KDM4C: variants seen among roughly 807,000 people sequenced by gnomAD.
KDM4C encodes lysine demethylase 4C, also known as lysine-specific demethylase 4C.
In KDM4C, 81 loss-of-function variants were observed where a neutral mutation model predicts 129.3. The ratio of observed to expected loss-of-function variants is 0.63; its 90% CI spans 0.52 to 0.75. KDM4C has a LOEUF of 0.75. KDM4C is among the 30% of genes least tolerant of loss of function. KDM4C has a pLI of 0.00. For missense variants in KDM4C, 1,457 were observed against 1,304.0 expected (o/e 1.12, Z -1.81); for synonymous variants, 573 against 456.1 (o/e 1.26, Z -3.26).
chr9:6,998,236 T>C (rs899587883), intron 12 of KDM4C, among the ~76,000 whole-genome samples: 23 of 152,204 alleles, frequency 1.5e-4, no homozygotes, highest in Non-Finnish European at 2.6e-4. Flanking sequence ...CAGTAATTTA[T>C]TTCTTGGGAC....
At chr9:6,998,919 C>G (rs1395268140) in intron 12 of KDM4C, among the ~76,000 whole-genome samples, 1 of 152,168 alleles carries the variant, frequency 6.6e-6, no homozygotes. Flanking sequence ...ACTGATTGCA[C>G]TTCATTCTAG....
At chr9:6,784,543 TTA>T (rs1360389971) in intron 1 of KDM4C, among the ~76,000 whole-genome samples, 1 of 152,126 alleles carries the variant, frequency 6.6e-6, no homozygotes, top group Non-Finnish European at 1.5e-5. Context: ...ACTGTATTCT[TTA>T]TAGCAAAAGA....
chr9:6,978,001 T>G (rs1182522672), intron 8 of KDM4C, among the ~76,000 whole-genome samples: 1 of 152,182 alleles, frequency 6.6e-6, no homozygotes, highest in Non-Finnish European at 1.5e-5. Context: ...GTGGTCAGGT[T>G]ACCAAAAAGC....
intron 7 of KDM4C, among the ~76,000 whole-genome samples, chr9:6,890,880 C>G (rs1048647185): frequency 2.6e-5 from 4 of 152,200 alleles, no homozygotes; most frequent in African/African-American, 9.7e-5. Context: ...TCTCACGTGG[C>G]TCAGATAATG....
intron 1 of KDM4C, 104 bp from the exon 2 acceptor site, chr9:6,792,868 T>A: frequency 8.6e-7 from 1 of 1,161,390 alleles, no homozygotes; most frequent in Non-Finnish European, 1.3e-6. Context: ...GGGAAGTGAC[T>A]GAAAGAGAAG....
At chr9:7,100,594 C>T (rs1171719458) in intron 17 of KDM4C, among the ~76,000 whole-genome samples, 1 of 152,162 alleles carries the variant, frequency 6.6e-6, no homozygotes, top group Non-Finnish European at 1.5e-5. Context: ...CCTGCCTCAG[C>T]CTCCCAAAGT....
intron 8 of KDM4C, among the ~76,000 whole-genome samples, chr9:6,909,967 G>C (rs1299494360): frequency 1.3e-5 from 2 of 152,178 alleles, no homozygotes; most frequent in Non-Finnish European, 2.9e-5. Context: ...ATGATAGGTA[G>C]TGGGTTAATA....
At chr9:6,846,980 G>A (rs1837955511) in intron 4 of KDM4C, among the ~76,000 whole-genome samples, 1 of 152,154 alleles carries the variant, frequency 6.6e-6, no homozygotes, top group Non-Finnish European at 1.5e-5. Flanking sequence ...CTGCAGAGCT[G>A]GGGTTATAAT....
chr9:6,944,233 A>G (rs1826464207), intron 8 of KDM4C, among the ~76,000 whole-genome samples: 2 of 152,200 alleles, frequency 1.3e-5, no homozygotes, highest in East Asian at 1.9e-4. Flanking sequence ...ATTTGAACTT[A>G]TGCCAGATTC....
chr9:6,741,982 T>TC (rs1817714979), intron 1 of KDM4C, among the ~76,000 whole-genome samples: 1 of 151,784 alleles, frequency 6.6e-6, no homozygotes, highest in African/African-American at 2.4e-5. Flanking sequence ...ATTTATTAAT[T>TC]TTTTTTTGGA....
At chr9:7,062,981 C>T (rs1831919509) in intron 17 of KDM4C, among the ~76,000 whole-genome samples, 1 of 152,070 alleles carries the variant, frequency 6.6e-6, no homozygotes, top group Non-Finnish European at 1.5e-5. Context: ...ACCTAAGAAG[C>T]ACAAACTTTA....
intron 7 of KDM4C, among the ~76,000 whole-genome samples, chr9:6,891,131 G>T (rs1385816044): frequency 1.3e-5 from 2 of 152,190 alleles, no homozygotes; most frequent in African/African-American, 4.8e-5. Flanking sequence ...ACTGAGGTGG[G>T]AGTAGGGGAT....
chr9:6,773,173 AATTTT>A (rs1399879497), intron 1 of KDM4C, among the ~76,000 whole-genome samples: 1 of 150,990 alleles, frequency 6.6e-6, no homozygotes, highest in African/African-American at 2.4e-5. Context: ...CTAATTTTTT[AATTTT>A]ATTTGGAGAG....
chr9:7,090,281 A>G (rs1835647685), intron 17 of KDM4C, among the ~76,000 whole-genome samples: 1 of 152,228 alleles, frequency 6.6e-6, no homozygotes, highest in Non-Finnish European at 1.5e-5. Context: ...TTTTGACAGT[A>G]GCTTGTAGTA....
chr9:6,841,178 C>A (rs906707279), intron 4 of KDM4C, among the ~76,000 whole-genome samples: 1 of 151,906 alleles, frequency 6.6e-6, no homozygotes, highest in African/African-American at 2.4e-5. Context: ...AGTGGTAGTT[C>A]CCCCTGTGAA....
At chr9:6,963,798 A>AT (rs1563895734) in intron 8 of KDM4C, among the ~76,000 whole-genome samples, 1 of 152,134 alleles carries the variant, frequency 6.6e-6, no homozygotes, top group Non-Finnish European at 1.5e-5. Flanking sequence ...CCTAACAGCT[A>AT]CCTATATGTT....
intron 1 of KDM4C, among the ~76,000 whole-genome samples, chr9:6,773,979 C>T (rs1822460374): frequency 1.3e-5 from 2 of 151,706 alleles, no homozygotes; most frequent in Non-Finnish European, 2.9e-5. Flanking sequence ...ACTCCGCCTC[C>T]CGAGTTCAAG....
intron 8 of KDM4C, among the ~76,000 whole-genome samples, chr9:6,944,774 G>T (rs1279116584): frequency 1.3e-5 from 2 of 149,940 alleles, no homozygotes; most frequent in Non-Finnish European, 3.0e-5. Context: ...GTTAGGGGAA[G>T]GGTTCAAAGA....
chr9:6,753,452 T>G (rs1818140359), upstream of KDM4C, among the ~76,000 whole-genome samples: 1 of 152,206 alleles, frequency 6.6e-6, no homozygotes, highest in South Asian at 2.1e-4. Context: ...ATTATTATTT[T>G]TAATTGAGAT....
Sources: gnomAD v4.1 joint callset for allele counts (sites outside exome capture counted in the v4.1 genomes callset) on GRCh38, gnomAD v4.1.1 for gene constraint, MANE v1.5 for transcripts, NCBI Gene and HGNC (gene_info 2026-07-23, HGNC 2026-07-21) for gene names.